Variants in NTM observed in about 807,000 individuals in gnomAD.
NTM encodes the protein neurotrimin, also known as IgLON family member 2.
In NTM, 13 loss-of-function variants were observed where a neutral mutation model predicts 42.1. That is an observed-to-expected ratio of 0.31 (90% CI 0.20 to 0.49). NTM has a LOEUF of 0.49. NTM is among the 20% of genes least tolerant of loss of function. The pLI is 0.99. For missense variants in NTM, 373 were observed against 452.8 expected, an observed-to-expected ratio of 0.82 and a Z score of 1.60; for synonymous variants, 187 against 179.2, an observed-to-expected ratio of 1.04 and a Z score of -0.35.
chr11:132,210,280 G>T (rs2082633433), intron 3 of NTM, among the ~76,000 whole-genome samples: 1 of 152,170 alleles, frequency 6.6e-6, no homozygotes, highest in South Asian at 2.1e-4. Flanking sequence ...CACTTAACTT[G>T]CCAAGAACTA....
intron 2 of NTM, among the ~76,000 whole-genome samples, chr11:132,107,339 CTTTTTTTTTTTTTTT>C (rs780844735): frequency 9.0e-5 from 8 of 88,866 alleles, no homozygotes; most frequent in Non-Finnish European, 1.8e-4. Flanking sequence ...AAGATTTATC[CTTTTTTTTTTTTTTT>C]TTTTTTTTTT....
At chr11:132,245,714 G>A (rs1449747279) in intron 4 of NTM, among the ~76,000 whole-genome samples, 4 of 152,000 alleles carry the variant, frequency 2.6e-5, no homozygotes, top group African/African-American at 4.8e-5. Flanking sequence ...GATGTTATTT[G>A]CCTCCCAGCA....
chr11:131,987,609 T>C (rs1473803273), intron 2 of NTM, among the ~76,000 whole-genome samples: 1 of 152,204 alleles, frequency 6.6e-6, no homozygotes, highest in African/African-American at 2.4e-5. Context: ...GAGAATACTT[T>C]ATTGTGGAGA....
intron 1 of NTM, among the ~76,000 whole-genome samples, chr11:131,668,442 G>C (rs2069502588): frequency 6.6e-6 from 1 of 152,122 alleles, no homozygotes; most frequent in Non-Finnish European, 1.5e-5. Context: ...TGGTTGGGCT[G>C]TGGCCCCTCA....
At chr11:131,489,039 A>G (rs1490832201) in intron 1 of NTM, among the ~76,000 whole-genome samples, 3 of 152,208 alleles carry the variant, frequency 2.0e-5, no homozygotes, top group African/African-American at 7.2e-5. Flanking sequence ...ATTAGCATCA[A>G]GCTCTGCCTC....
Position 132,002,801 on chromosome 11 carries a change from G to A in NTM, c.167+91153G>A, listed in dbSNP as rs1348448357. On this transcript the variant is annotated intron_variant, in intron 2 of 8. Coordinates refer to ENST00000683400, the MANE Select transcript of NTM (RefSeq NM_001352005.2). The surrounding 1 kb of genome is among the most constrained non-coding windows in gnomAD (Gnocchi z 4.5). ...ATTGGGAAAAGTGGAGGAAATCATA[G>A]TAACGATTTATTAAAGTTGAAGATT... Among the ~76,000 whole-genome samples, 1 of 152,076 alleles carries A rather than the reference G, an allele frequency of 6.6e-6. No homozygotes were observed. Among genetic ancestry groups the A allele is most frequent in the Non-Finnish European group, 1.5e-5 (1 of 68,026 alleles).
chr11:131,632,737 C>T lies in NTM; in HGVS notation c.82+261849C>T, dbSNP rs540933112. Among the ~76,000 whole-genome samples the T allele has an allele frequency of 9.1e-5, 11 of 120,678 alleles. No individual in the cohort carries two copies. In the South Asian group the frequency reaches 1.1e-3, roughly 12 times the overall value. The allele number at this position is 120,678 out of a possible 152,430, so 79.2% of individuals were successfully genotyped here. On this transcript the variant is annotated intron_variant, in intron 1 of 8. Transcript: ENST00000683400. ...TCGCCCAGGCTGGAGTGCAGTGGCG[C>T]GATCTCCACTCACTGCAAGCTCCGC...
chr11:132,122,790 A>C (rs2065053917), intron 2 of NTM, among the ~76,000 whole-genome samples: 1 of 152,190 alleles, frequency 6.6e-6, no homozygotes, highest in Non-Finnish European at 1.5e-5. Context: ...GTTTCTTTAA[A>C]GATACTTAAG....
intron 1 of NTM, among the ~76,000 whole-genome samples, chr11:131,786,517 A>T (rs1321159082): frequency 6.6e-6 from 1 of 152,204 alleles, no homozygotes; most frequent in Non-Finnish European, 1.5e-5. Context: ...AGCTTTATTT[A>T]ATGACCCAGA....
intron 2 of NTM, among the ~76,000 whole-genome samples, chr11:131,992,184 G>C (rs2067145225): frequency 6.6e-6 from 1 of 152,072 alleles, no homozygotes; most frequent in African/African-American, 2.4e-5. Context: ...TGAAGATGAA[G>C]AGTTTTATGA....
chr11:131,394,789 T>G (rs1463211594), intron 1 of NTM, among the ~76,000 whole-genome samples: 2 of 152,174 alleles, frequency 1.3e-5, no homozygotes, highest in East Asian at 3.9e-4. Context: ...CAGGCCTGTG[T>G]GCATACTTAA....
At chr11:131,774,148 G>A (rs2086590706) in intron 1 of NTM, 1 of 982,774 alleles carries the variant, frequency 1.0e-6, no homozygotes, top group Non-Finnish European at 1.2e-6. Context: ...ATAAATGTCA[G>A]TGGGAAACCC....
At chr11:131,556,637 G>A (rs552206743) in intron 1 of NTM, among the ~76,000 whole-genome samples, 38 of 148,574 alleles carry the variant, frequency 2.6e-4, no homozygotes, top group African/African-American at 8.7e-4. Flanking sequence ...GTGTGATCTC[G>A]GCTCATTGAA....
At chr11:131,954,061 A>G (rs1050135688) in intron 2 of NTM, among the ~76,000 whole-genome samples, 3 of 152,196 alleles carry the variant, frequency 2.0e-5, no homozygotes, top group Non-Finnish European at 4.4e-5. Context: ...GGGATCCCCA[A>G]ACTCTACTCC....
intron 1 of NTM, among the ~76,000 whole-genome samples, chr11:131,473,105 C>A (rs925372814): frequency 6.6e-6 from 1 of 152,122 alleles, no homozygotes; most frequent in Non-Finnish European, 1.5e-5. Flanking sequence ...AATATTGACT[C>A]ATTTAATAAG....
chr11:132,201,220 T>C (rs777795760), intron 3 of NTM, among the ~76,000 whole-genome samples: 9 of 152,228 alleles, frequency 5.9e-5, no homozygotes, highest in Non-Finnish European at 1.3e-4. Context: ...ATGAGTTTTC[T>C]AAGCCTAATG....
chr11:132,223,143 C>T (rs1380104327), intron 4 of NTM, among the ~76,000 whole-genome samples: 1 of 152,150 alleles, frequency 6.6e-6, no homozygotes, highest in East Asian at 1.9e-4. Flanking sequence ...CTTATTTGTT[C>T]AGTAATTGTT....
At chr11:132,012,551 T>C (rs1236793067) in intron 2 of NTM, among the ~76,000 whole-genome samples, 1 of 152,190 alleles carries the variant, frequency 6.6e-6, no homozygotes, top group Admixed American at 6.5e-5. Flanking sequence ...ACATGTTTTT[T>C]CTCTTTAGTG....
intron 1 of NTM, among the ~76,000 whole-genome samples, chr11:131,509,642 G>A (rs774933648): frequency 1.4e-4 from 21 of 152,148 alleles, no homozygotes; most frequent in Non-Finnish European, 2.5e-4. Flanking sequence ...ATCTCCATAC[G>A]TTAAAAATCT....
Sources: allele counts gnomAD v4.1 joint callset (sites outside exome capture counted in the v4.1 genomes callset), GRCh38; gene constraint gnomAD v4.1.1; non-coding constraint Gnocchi (gnomAD v3.1); transcripts MANE v1.5; gene names NCBI Gene and HGNC (gene_info 2026-07-23, HGNC 2026-07-21).